The following FBXO36 variants were observed in gnomAD, a reference collection of about 807,000 sequenced individuals.
The protein encoded by FBXO36 is F-box protein 36, also known as F-box only protein 36.
In FBXO36, 18 loss-of-function variants were observed where a neutral mutation model predicts 17.0. The ratio of observed to expected loss-of-function variants is 1.06; its 90% CI spans 0.73 to 1.57. The LOEUF (loss-of-function observed/expected upper bound fraction) is 1.57. Ranked by LOEUF, FBXO36 falls within the 40% of genes most tolerant of loss-of-function variation. The pLI is 0.00. For synonymous variants in FBXO36, 83 were observed against 85.3 expected (o/e 0.97, Z 0.15); for missense variants, 229 against 221.9 (o/e 1.03, Z -0.20).
chr2:229,996,314 T>G (rs531439646), intron 2 of FBXO36, among the ~76,000 whole-genome samples: 1 of 151,698 alleles, frequency 6.6e-6, no homozygotes, highest in African/African-American at 2.4e-5. Context: ...TCAGCTAAAA[T>G]TAGGAGACAA....
chr2:229,946,954 G>A (rs2077030194), intron 1 of FBXO36, among the ~76,000 whole-genome samples: 1 of 152,104 alleles, frequency 6.6e-6, no homozygotes, highest in Non-Finnish European at 1.5e-5. Flanking sequence ...ATCACCTAAG[G>A]TCAGGAGTTC....
intron 2 of FBXO36, among the ~76,000 whole-genome samples, chr2:229,986,959 C>T (rs1318292827): frequency 1.3e-5 from 2 of 151,726 alleles, no homozygotes; most frequent in African/African-American, 2.4e-5. Context: ...TGGCTCACAC[C>T]TGTAATCCCA....
chr2:229,982,451 T>G (rs1560449618), intron 2 of FBXO36, among the ~76,000 whole-genome samples: 1 of 152,092 alleles, frequency 6.6e-6, no homozygotes, highest in Non-Finnish European at 1.5e-5. Flanking sequence ...GTCTTTCCCT[T>G]ATAAGGAACT....
In FBXO36 at chr2:230,000,086, G is replaced by A. The variant is rs1173904989; in HGVS notation, c.378+3163G>A. 5.3e-5 allele frequency among the ~76,000 whole-genome samples: 8 copies of A among 151,990 alleles called. 1 individual carries two copies. The highest frequency in any genetic ancestry group is 2.1e-4 in the South Asian group (1 of 4,820). The stretch of plus-strand genomic sequence containing the variant: ...GAAGCTGATTATTAGGGCCTGGCAC[G>A]GTGGCTCACACCTGTAATCCCAGCA... On this transcript the variant is annotated intron_variant, in intron 3 of 3. Transcript: ENST00000283946.
chr2:229,982,374 C>T (rs35392774), intron 2 of FBXO36, among the ~76,000 whole-genome samples: 40,367 of 151,872 alleles, frequency 0.27, 6,621 homozygotes, highest in Middle Eastern at 0.45. Context: ...GTCTTTCTCA[C>T]GAGGCATCAC....
At chr2:229,932,886 G>A (rs2076946179) in intron 1 of FBXO36, 2 of 335,886 alleles carry the variant, frequency 6.0e-6, no homozygotes, top group South Asian at 2.2e-5. Context: ...TGACAAACAT[G>A]GTGAAACCCC....
At chr2:229,931,716 G>C (rs1455145950) in intron 1 of FBXO36, among the ~76,000 whole-genome samples, 1 of 152,002 alleles carries the variant, frequency 6.6e-6, no homozygotes, top group African/African-American at 2.4e-5. Flanking sequence ...GTGCATGCCT[G>C]TAATCCCAGC....
intron 1 of FBXO36, among the ~76,000 whole-genome samples, chr2:229,961,415 C>T (rs2077120176): frequency 6.6e-6 from 1 of 152,010 alleles, no homozygotes; most frequent in Non-Finnish European, 1.5e-5. Context: ...CTTGCTCTGT[C>T]ACGAGGCTGG....
chr2:229,954,538 C>T (rs1160707212), intron 1 of FBXO36, among the ~76,000 whole-genome samples: 4 of 134,646 alleles, frequency 3.0e-5, no homozygotes, highest in Non-Finnish European at 3.2e-5. Context: ...CCACTGCACC[C>T]GGCCTTTTTT....
chr2:229,964,543 G>A (rs200129498), intron 1 of FBXO36, among the ~76,000 whole-genome samples: 3 of 152,116 alleles, frequency 2.0e-5, no homozygotes, highest in South Asian at 2.1e-4. Flanking sequence ...TTTTTGAGAC[G>A]GAGTCTCGCT....
chr2:229,959,570 G>A (rs2077109952), intron 1 of FBXO36, among the ~76,000 whole-genome samples: 1 of 152,162 alleles, frequency 6.6e-6, no homozygotes, highest in South Asian at 2.1e-4. Context: ...AGTAGGCTGG[G>A]CGCGGTGGCT....
At chr2:229,951,809 G>C (rs1446566914) in intron 1 of FBXO36, among the ~76,000 whole-genome samples, 2 of 152,154 alleles carry the variant, frequency 1.3e-5, no homozygotes, top group Non-Finnish European at 2.9e-5. Context: ...TGGAAACAAG[G>C]AAAGATCTAG....
intron 1 of FBXO36, among the ~76,000 whole-genome samples, chr2:229,975,469 ATT>A (rs67276148): frequency 6.4e-4 from 90 of 140,450 alleles, no homozygotes; most frequent in Middle Eastern, 3.6e-3. Flanking sequence ...GACCTGATGG[ATT>A]TTTTTTTTTT....
At chr2:229,943,941 T>C (rs924140261) in intron 1 of FBXO36, among the ~76,000 whole-genome samples, 5 of 152,146 alleles carry the variant, frequency 3.3e-5, no homozygotes, top group Non-Finnish European at 5.9e-5. Context: ...GCTGTTGTTG[T>C]GATAGTGAGT....
At chr2:229,937,217 G>A (rs890440338) in intron 1 of FBXO36, among the ~76,000 whole-genome samples, 1 of 152,126 alleles carries the variant, frequency 6.6e-6, no homozygotes, top group African/African-American at 2.4e-5. Context: ...TAATTGGGCT[G>A]GGCGCGGTGG....
intron 1 of FBXO36, among the ~76,000 whole-genome samples, chr2:229,938,498 T>C (rs1411110489): frequency 2.7e-5 from 4 of 147,032 alleles, no homozygotes; most frequent in African/African-American, 1.0e-4. Flanking sequence ...TTTTTTTTTT[T>C]CTTGAAGTGG....
In FBXO36 at chr2:229,922,695, A is replaced by G; in HGVS notation, c.96+86A>G. On this transcript the variant is annotated intron_variant, in intron 1 of 3. Transcript: ENST00000283946. ...GGGACGCAGGCTGTGCTAGGCCAAGAGCAACCGTAGCCCGCCGGAAGCGCC... is the reference window on the plus strand; with the variant it reads ...GGGACGCAGGCTGTGCTAGGCCAAGGGCAACCGTAGCCCGCCGGAAGCGCC... The G allele has an allele frequency of 3.6e-6, 5 of 1,402,016 alleles. No individual in the cohort carries two copies. In the South Asian group the frequency reaches 6.1e-5, roughly 17 times the overall value. The allele number at this position is 1,402,016 out of a possible 1,614,324, so 86.8% of individuals were successfully genotyped here. A position where few individuals can be genotyped will look rare whatever the true frequency, so the allele number is the denominator to read the frequency against.
At position 229,922,581 on chromosome 2, in the gene FBXO36, A is replaced by AT; in HGVS notation, c.70dup (p.Tyr24LeufsTer13). 1 of 1,614,054 alleles carries AT rather than the reference A, an allele frequency of 6.2e-7. No homozygotes were observed. On this transcript the variant is annotated frameshift_variant, in exon 1 of 4. Transcript: ENST00000283946. LOFTEE classifies it high-confidence loss of function. ...CAAGGCCCGCCGCCTAGCAAAGACT[A>AT]TTACCAGTTACTGGTCACCCGGTCT...
At chr2:229,987,714 T>C (rs565193775) in intron 2 of FBXO36, among the ~76,000 whole-genome samples, 13 of 152,270 alleles carry the variant, frequency 8.5e-5, no homozygotes, top group African/African-American at 2.9e-4. Context: ...CACTACAGCC[T>C]TAACCTCCTG....
Sources: gnomAD v4.1 joint callset for allele counts (sites outside exome capture counted in the v4.1 genomes callset) on GRCh38, gnomAD v4.1.1 for gene constraint, MANE v1.5 for transcripts, NCBI Gene and HGNC (gene_info 2026-07-23, HGNC 2026-07-21) for gene names.